Variants in KLF12 observed in about 807,000 individuals in gnomAD.
The protein encoded by KLF12 is KLF transcription factor 12.
A neutral mutation model predicts 37.8 loss-of-function variants in KLF12; 9 were observed. That is an observed-to-expected ratio of 0.24 (90% confidence interval 0.14 to 0.42). The LOEUF is 0.42. Ranked by LOEUF, KLF12 falls within the 10% of genes least tolerant of loss-of-function variation. The pLI is 1.00. For missense variants in KLF12, 411 were observed against 516.0 expected (o/e 0.80, Z 1.97); for synonymous variants, 208 against 202.1 (o/e 1.03, Z -0.25).
rs190518367 is a variant in KLF12 at position 73,958,035 on chromosome 13, G to A, written c.34-13965C>T. 1.7e-4 allele frequency among the ~76,000 whole-genome samples: 26 copies of A among 152,252 alleles called. No homozygotes were observed. The East Asian group carries it at 5.0e-3, about 29-fold the overall frequency. On this transcript the variant is annotated intron_variant, in intron 2 of 7. Transcript: ENST00000377669. ...CACTTCTTTTCGCACATGCAGTTTT[G>A]TTGCACCGTCTATATCTGTGCTGTC...
At chr13:73,843,878 T>C (rs1884880388) in intron 4 of KLF12, among the ~76,000 whole-genome samples, 1 of 152,144 alleles carries the variant, frequency 6.6e-6, no homozygotes, top group African/African-American at 2.4e-5. Flanking sequence ...ATGAAACAAA[T>C]ATATTCATGT....
the KLF12 span, among the ~76,000 whole-genome samples, chr13:74,146,592 T>C: frequency 6.6e-6 from 1 of 152,218 alleles, no homozygotes; most frequent in African/African-American, 2.4e-5. Flanking sequence ...AAAAACAGTC[T>C]TAATTTAGTT....
chr13:73,737,826 G>A (rs1223661237), intron 6 of KLF12, among the ~76,000 whole-genome samples: 3 of 151,760 alleles, frequency 2.0e-5, no homozygotes. Context: ...AACTAATTAA[G>A]CATTTTCTTT....
chr13:74,057,029 T>G (rs868267995), intron 1 of KLF12, among the ~76,000 whole-genome samples: 13 of 152,298 alleles, frequency 8.5e-5, no homozygotes, highest in Middle Eastern at 3.4e-3. Flanking sequence ...AACATTATTT[T>G]TGTACTCTGC....
At chr13:74,264,622 G>A in the KLF12 span, among the ~76,000 whole-genome samples, 1 of 152,110 alleles carries the variant, frequency 6.6e-6, no homozygotes, top group African/African-American at 2.4e-5. Flanking sequence ...TGTTGGAAGA[G>A]GCAGTCCTTC....
chr13:74,236,035 G>T, the KLF12 span, among the ~76,000 whole-genome samples: 2 of 148,446 alleles, frequency 1.3e-5, no homozygotes, highest in Non-Finnish European at 3.0e-5. Context: ...ATGCTGGTGC[G>T]CTGCACCCAC....
At chr13:74,183,241 A>G in the KLF12 span, among the ~76,000 whole-genome samples, 18 of 152,140 alleles carry the variant, frequency 1.2e-4, no homozygotes, top group African/African-American at 4.3e-4. Context: ...TTTGTACTCT[A>G]CAAGAGGAAC....
intron 3 of KLF12, among the ~76,000 whole-genome samples, chr13:73,849,895 A>T (rs1161271103): frequency 6.6e-6 from 1 of 152,196 alleles, no homozygotes; most frequent in Non-Finnish European, 1.5e-5. Flanking sequence ...GGTATGAAAG[A>T]TAGAAGACTT....
intron 3 of KLF12, among the ~76,000 whole-genome samples, chr13:73,897,816 G>T (rs1349894847): frequency 6.6e-6 from 1 of 152,106 alleles, no homozygotes; most frequent in East Asian, 1.9e-4. Flanking sequence ...ATGATGCAAT[G>T]CCTCTATTAA....
chr13:73,814,303 G>A (rs1883098839), intron 4 of KLF12, among the ~76,000 whole-genome samples: 1 of 152,030 alleles, frequency 6.6e-6, no homozygotes, highest in Admixed American at 6.6e-5. Flanking sequence ...ATGACATTTG[G>A]GTACATTTCA....
chr13:74,240,399 G>C, the KLF12 span, among the ~76,000 whole-genome samples: 1 of 86,322 alleles, frequency 1.2e-5, no homozygotes, highest in Admixed American at 1.3e-4. Context: ...TTTCAACTTT[G>C]GTGAATCTGA....
At chr13:73,779,353 C>T (rs985544055) in intron 5 of KLF12, among the ~76,000 whole-genome samples, 4 of 152,164 alleles carry the variant, frequency 2.6e-5, no homozygotes, top group African/African-American at 7.2e-5. Context: ...TGAGCACAAT[C>T]ACCAGTGGCC....
rs1046132002 is a variant in KLF12 at position 74,052,325 on chromosome 13, C to T, written c.-31-57272G>A. Among the ~76,000 whole-genome samples, 8 of 152,226 alleles carry T rather than the reference C, an allele frequency of 5.3e-5. No homozygotes were observed. The East Asian group carries it at 7.7e-4, about 15-fold the overall frequency. On this transcript the variant is annotated intron_variant, in intron 1 of 7. Coordinates refer to ENST00000377669, the MANE Select transcript of KLF12 (RefSeq NM_007249.5). Reference sequence around the variant, plus strand: ...ACTGGGCCACAGACAGGAATTGTCACGCTGCCTGGGTTTACCTGCTACTCA... The same window carrying T: ...ACTGGGCCACAGACAGGAATTGTCATGCTGCCTGGGTTTACCTGCTACTCA...
At chr13:74,057,604 T>C (rs1873320229) in intron 1 of KLF12, among the ~76,000 whole-genome samples, 1 of 152,224 alleles carries the variant, frequency 6.6e-6, no homozygotes, top group South Asian at 2.1e-4. Flanking sequence ...AAGTTGCTTT[T>C]CTTATCCCCA....
the KLF12 span, among the ~76,000 whole-genome samples, chr13:74,284,067 C>T: frequency 6.6e-6 from 1 of 151,962 alleles, no homozygotes; most frequent in African/African-American, 2.4e-5. Context: ...CCGTGTTAGC[C>T]AGGATGGTCT....
intron 1 of KLF12, among the ~76,000 whole-genome samples, chr13:74,067,569 A>T (rs1216253553): frequency 6.6e-6 from 1 of 152,246 alleles, no homozygotes; most frequent in African/African-American, 2.4e-5. Context: ...TGTTCAAAAT[A>T]AAGGCCTTTC....
chr13:74,060,904 T>C (rs1390764826), intron 1 of KLF12, among the ~76,000 whole-genome samples: 1 of 152,182 alleles, frequency 6.6e-6, no homozygotes, highest in Non-Finnish European at 1.5e-5. Flanking sequence ...CACTTCACTA[T>C]TGATAGAGCA....
At chr13:74,250,157 G>A in the KLF12 span, among the ~76,000 whole-genome samples, 1 of 152,152 alleles carries the variant, frequency 6.6e-6, no homozygotes, top group Non-Finnish European at 1.5e-5. Flanking sequence ...TACGTGGAAG[G>A]AGTCATACTT....
At chr13:74,087,248 G>A (rs1292031633) in intron 1 of KLF12, among the ~76,000 whole-genome samples, 1 of 152,138 alleles carries the variant, frequency 6.6e-6, no homozygotes, top group African/African-American at 2.4e-5. Flanking sequence ...AGAAGCTCAG[G>A]CACCAGCAAA....
Sources: allele counts gnomAD v4.1 joint callset (sites outside exome capture counted in the v4.1 genomes callset), GRCh38; gene constraint gnomAD v4.1.1; transcripts MANE v1.5; gene names NCBI Gene and HGNC (gene_info 2026-07-23, HGNC 2026-07-21).